Variants in ERC1 observed in about 807,000 individuals in gnomAD.
ERC1 encodes the protein ELKS/RAB6-interacting/CAST family member 1, also known as RAB6 interacting protein 2.
ERC1 carries 56 observed loss-of-function variants against 132.0 expected under a neutral mutation model. The ratio of observed to expected loss-of-function variants is 0.42; its 90% CI spans 0.34 to 0.53. The LOEUF is 0.53. ERC1 is among the 20% of genes least tolerant of loss of function. The pLI is 0.03. For synonymous variants in ERC1, 478 were observed against 476.1 expected, an observed-to-expected ratio of 1.00 and a Z score of -0.05; for missense variants, 1,202 against 1,349.9, an observed-to-expected ratio of 0.89 and a Z score of 1.72.
intron 3 of ERC1, among the ~76,000 whole-genome samples, chr12:1,092,914 T>C (rs1267252182): frequency 6.6e-6 from 1 of 152,120 alleles, no homozygotes; most frequent in African/African-American, 2.4e-5. Flanking sequence ...TGAGCCAGGA[T>C]TGCACCACTG....
intron 15 of ERC1, among the ~76,000 whole-genome samples, chr12:1,320,629 A>G (rs1258171053): frequency 1.3e-5 from 2 of 152,266 alleles, no homozygotes; most frequent in South Asian, 2.1e-4. Context: ...GTATGCAAGT[A>G]TATCTGCAGG....
At chr12:1,412,453 G>A (rs753078540) in intron 17 of ERC1, among the ~76,000 whole-genome samples, 12 of 152,182 alleles carry the variant, frequency 7.9e-5, no homozygotes, top group African/African-American at 1.2e-4. Flanking sequence ...GTGGTAAAAC[G>A]TAACGCTTAA....
At chr12:1,391,532 C>T (rs2089959732) in intron 16 of ERC1, 1 of 152,254 alleles carries the variant, frequency 6.6e-6, no homozygotes, top group Non-Finnish European at 1.5e-5. Context: ...GAATCCTCAC[C>T]TAGTCTCTAG....
Position 1,227,754 on chromosome 12 carries a change from C to G in ERC1, c.2352-9015C>G, listed in dbSNP as rs370128263. On this transcript the variant is annotated intron_variant, in intron 12 of 18. Coordinates refer to ENST00000360905, the MANE Select transcript of ERC1 (RefSeq NM_178040.4). ...ACCCACATCAGGAAGTTTTCTTTCC[C>G]CAGTGTTTTCTTCTACTAGTTTTAA... Among the ~76,000 whole-genome samples the G allele has an allele frequency of 1.1e-4, 16 of 152,220 alleles. No individual in the cohort carries two copies. The East Asian group carries it at 2.5e-3, about 24-fold the overall frequency.
At chr12:1,408,735 C>T (rs982283114) in intron 17 of ERC1, among the ~76,000 whole-genome samples, 1 of 152,194 alleles carries the variant, frequency 6.6e-6, no homozygotes, top group Non-Finnish European at 1.5e-5. Context: ...CACTCCCTGT[C>T]CTTGTGGATC....
chr12:1,275,687 A>T (rs1249397721), intron 14 of ERC1, among the ~76,000 whole-genome samples: 1 of 152,118 alleles, frequency 6.6e-6, no homozygotes, highest in Non-Finnish European at 1.5e-5. Flanking sequence ...TATCACGAGG[A>T]TCTTTAAGTG....
At chr12:1,481,043 G>A in intron 18 of ERC1, 1 of 579,282 alleles carries the variant, frequency 1.7e-6, no homozygotes, top group South Asian at 2.3e-5. Context: ...ATAAAGTCTA[G>A]TTTATAAATT....
chr12:1,448,997 C>T (rs1285734365), intron 18 of ERC1, among the ~76,000 whole-genome samples: 1 of 152,248 alleles, frequency 6.6e-6, no homozygotes, highest in Non-Finnish European at 1.5e-5. Context: ...CTTGCATCAG[C>T]GTGACCTGGA....
At chr12:1,459,194 T>C (rs1431171200) in intron 18 of ERC1, among the ~76,000 whole-genome samples, 1 of 152,220 alleles carries the variant, frequency 6.6e-6, no homozygotes, top group East Asian at 1.9e-4. Context: ...GGTTTCTGAG[T>C]ACTTGGGCAG....
At chr12:997,406 C>T (rs1247630384) in intron 1 of ERC1, among the ~76,000 whole-genome samples, 1 of 152,160 alleles carries the variant, frequency 6.6e-6, no homozygotes, top group Non-Finnish European at 1.5e-5. Flanking sequence ...TTATTAAATA[C>T]TTGATGAATG....
chr12:1,362,448 G>GTCTCTCTCTCTCTCTCTC (rs750785449), intron 15 of ERC1, among the ~76,000 whole-genome samples: 1 of 144,804 alleles, frequency 6.9e-6, no homozygotes, highest in South Asian at 2.1e-4. Flanking sequence ...CTCTCTCTCT[G>GTCTCTCTCTCTCTCTCTC]TCTCTCTCTC....
chr12:1,295,023 T>C, intron 15 of ERC1, among the ~76,000 whole-genome samples: 1 of 152,170 alleles, frequency 6.6e-6, no homozygotes, highest in Non-Finnish European at 1.5e-5. Flanking sequence ...AGGATTTGCT[T>C]ACATTTTGGG....
chr12:1,483,393 GC>G (rs372853770), intron 18 of ERC1, among the ~76,000 whole-genome samples: 92 of 152,292 alleles, frequency 6.0e-4, no homozygotes, highest in African/African-American at 1.4e-3. Context: ...ACATAGTGTA[GC>G]TTTACATAAT....
intron 16 of ERC1, among the ~76,000 whole-genome samples, chr12:1,382,673 TAAATC>T (rs2088822356): frequency 1.3e-5 from 2 of 152,220 alleles, no homozygotes; most frequent in African/African-American, 4.8e-5. Context: ...TGTATTTTGA[TAAATC>T]AACATATTTA....
chr12:1,485,186 G>A (rs892491765), intron 18 of ERC1, among the ~76,000 whole-genome samples: 2 of 146,590 alleles, frequency 1.4e-5, no homozygotes, highest in African/African-American at 5.2e-5. Context: ...CCCAAACCTG[G>A]TCAAGTTTAT....
rs1555139791 is a variant in ERC1 at position 1,493,548 on chromosome 12, A to ATATATCT, written c.*3318_*3319insTATATCT. On this transcript the variant is annotated 3_prime_UTR_variant, in exon 19 of 19. Transcript: ENST00000360905. ...ACTCCATTTAAAAAAAAAAAAAAAA[A>ATATATCT]ATATATATATATATATATATATATA... is the stretch of plus-strand genomic sequence containing the variant. The ATATATCT allele has an allele frequency of 7.3e-5, 1 of 13,618 alleles. No individual in the cohort carries two copies. Among genetic ancestry groups the ATATATCT allele is most frequent in the African/African-American group, 2.2e-4 (1 of 4,554 alleles). The allele number at this position is 13,618 out of a possible 1,614,324, so 0.8% of individuals were successfully genotyped here.
intron 1 of ERC1, among the ~76,000 whole-genome samples, chr12:1,013,855 C>G (rs1277446935): frequency 5.9e-5 from 9 of 152,066 alleles, no homozygotes; most frequent in Admixed American, 5.9e-4. Context: ...CTACAGCCTC[C>G]CAAGTAGCTA....
chr12:1,361,895 A>G (rs1315808735), intron 15 of ERC1, among the ~76,000 whole-genome samples: 1 of 152,204 alleles, frequency 6.6e-6, no homozygotes, highest in East Asian at 1.9e-4. Context: ...CTTTAGAGCC[A>G]TGGGGCTGAA....
intron 3 of ERC1, among the ~76,000 whole-genome samples, chr12:1,093,313 G>C (rs1013807649): frequency 1.3e-5 from 2 of 152,162 alleles, no homozygotes; most frequent in South Asian, 2.1e-4. Context: ...GTATTATTTC[G>C]CTGTAGCTCC....
Sources: gnomAD v4.1 joint callset for allele counts (sites outside exome capture counted in the v4.1 genomes callset) on GRCh38, gnomAD v4.1.1 for gene constraint, MANE v1.5 for transcripts, NCBI Gene and HGNC (gene_info 2026-07-23, HGNC 2026-07-21) for gene names.